The following KIF3C variants were observed in gnomAD, a reference collection of about 807,000 sequenced individuals.
The protein encoded by KIF3C is kinesin family member 3C, also known as kinesin-like protein KIF3C.
Under a neutral mutation model 67.7 loss-of-function variants are expected in KIF3C, and 12 were observed. The observed-to-expected ratio is 0.18, with a 90% CI of 0.11 to 0.29. The LOEUF is 0.29. Ranked by LOEUF, KIF3C falls within the 10% of genes least tolerant of loss-of-function variation. KIF3C has a pLI of 1.00. For synonymous variants in KIF3C, 393 were observed against 426.2 expected, an observed-to-expected ratio of 0.92 and a Z score of 0.96; for missense variants, 789 against 1,059.6, an observed-to-expected ratio of 0.74 and a Z score of 3.55.
At chr2:25,962,932 CATATAAT>C (rs1182257616) in intron 1 of KIF3C, among the ~76,000 whole-genome samples, 700 of 36,396 alleles carry the variant, frequency 0.019, 25 homozygotes, top group South Asian at 0.028. Flanking sequence ...ATATATAATA[CATATAAT>C]ATATAATATA....
At chr2:25,930,846 C>T (rs1344652871) in intron 5 of KIF3C, among the ~76,000 whole-genome samples, 1 of 151,874 alleles carries the variant, frequency 6.6e-6, no homozygotes, top group South Asian at 2.1e-4. Context: ...GCCTAACACC[C>T]GGCTAATTTT....
chr2:25,981,925 C>T lies in KIF3C; in HGVS notation c.-8G>A. On this transcript the variant is annotated 5_prime_UTR_variant, in exon 1 of 8. Transcript: ENST00000264712. The surrounding 1 kb of genome is among the most constrained non-coding windows in gnomAD (Gnocchi z 8.2). Reference sequence around the variant, plus strand: ...CTTGGTCTTACTGGCCATCTTGCTGCTCTGACCTTCCTGCCCCCGAGCCCC... The same window carrying T: ...CTTGGTCTTACTGGCCATCTTGCTGTTCTGACCTTCCTGCCCCCGAGCCCC... The T allele has an allele frequency of 1.3e-6, 2 of 1,528,570 alleles. No individual in the cohort carries two copies. Among genetic ancestry groups the T allele is most frequent in the Non-Finnish European group, 1.8e-6 (2 of 1,142,202 alleles). The allele number at this position is 1,528,570 out of a possible 1,614,324, so 94.7% of individuals were successfully genotyped here.
chr2:25,954,350 G>A lies in KIF3C; in HGVS notation c.1806C>T (p.Ile602=), dbSNP rs927074733. 4 of 1,613,906 alleles carry A rather than the reference G, an allele frequency of 2.5e-6. No individual in the cohort carries two copies. The highest frequency in any genetic ancestry group is 3.4e-6 in the Non-Finnish European group (4 of 1,180,012). ...GGATATACTCATCATGCTGGTCCTG[G>A]ATCTCCGCCTTCACCGCCTGCAGCT... ...YAKLQAVKAE[I]QDQHDEYIRV... Residue 602 remains isoleucine (I), a synonymous_variant, in exon 4 of 8, where the codon ATC becomes ATT. Transcript: ENST00000264712.
intron 1 of KIF3C, among the ~76,000 whole-genome samples, chr2:25,962,802 A>T (rs181213239): frequency 0.014 from 1,217 of 89,594 alleles, 120 homozygotes; most frequent in African/African-American, 0.054. Flanking sequence ...TATATTATAT[A>T]ATATATAATA....
rs189575090 is a variant in KIF3C, at chr2:25,937,925, T to C, written c.2007-7862A>G. Among the ~76,000 whole-genome samples, 26 of 151,062 alleles carry C rather than the reference T, an allele frequency of 1.7e-4. 1 individual carries two copies. The Admixed American group carries it at 1.7e-3, about 10-fold the overall frequency. ...TAAAAATTAGCTGGGTGTGGTAGCATGCACCTGTAGTCCCAGCTATTCAGG... is the reference window on the plus strand; with the variant it reads ...TAAAAATTAGCTGGGTGTGGTAGCACGCACCTGTAGTCCCAGCTATTCAGG... On this transcript the variant is annotated intron_variant, in intron 5 of 7. Coordinates refer to ENST00000264712, the MANE Select transcript of KIF3C (RefSeq NM_002254.8).
chr2:25,964,515 G>A (rs1191041342), intron 1 of KIF3C, among the ~76,000 whole-genome samples: 1 of 152,108 alleles, frequency 6.6e-6, no homozygotes, highest in Non-Finnish European at 1.5e-5. Flanking sequence ...TGCCCAGGCT[G>A]GAATGTAGTG....
Position 25,980,570 on chromosome 2 carries a change from C to T in KIF3C, c.1348G>A (p.Glu450Lys). The change falls in exon 1 of 8, where the codon GAG becomes AAG. Residue 450 changes from glutamate (E) to lysine (K), a missense_variant. Around this residue, in one of 2 missense-constraint regions of KIF3C, gnomAD observed 648 missense variants for 807.8 expected, o/e 0.80. Coordinates refer to ENST00000264712, the MANE Select transcript of KIF3C (RefSeq NM_002254.8). This position sits in a 1 kb window ranked among gnomAD's most constrained non-coding sequence, Gnocchi z 7.6. ...NNHRPPQPIL[E>K]SALEKNMENY... ...TCCATGTTCTTCTCCAAGGCTGACT[C>T]CAGGATGGGCTGGGGCGGGCGGTGG... is the stretch of plus-strand genomic sequence containing the variant. 6.2e-7 allele frequency: 1 copy of T among 1,614,146 alleles called. No individual in the cohort carries two copies. The highest frequency in any genetic ancestry group is 1.6e-4 in the Middle Eastern group (1 of 6,062).
At chr2:25,943,794 G>A (rs1386809312) in intron 5 of KIF3C, among the ~76,000 whole-genome samples, 2 of 151,996 alleles carry the variant, frequency 1.3e-5, no homozygotes, top group African/African-American at 4.8e-5. Flanking sequence ...GAACCTGGGA[G>A]GCAGAGGTAG....
intron 5 of KIF3C, among the ~76,000 whole-genome samples, chr2:25,950,222 CTT>C (rs577841893): frequency 7.1e-6 from 1 of 141,464 alleles, no homozygotes. Flanking sequence ...CTTTTCTTTT[CTT>C]TTTTTTTTTT....
chr2:25,932,003 GT>G (rs775155142), intron 5 of KIF3C, among the ~76,000 whole-genome samples: 183 of 96,162 alleles, frequency 1.9e-3, no homozygotes, highest in South Asian at 6.4e-3. Context: ...CTTCTGTTTT[GT>G]TTTTTTTTTT....
intron 1 of KIF3C, among the ~76,000 whole-genome samples, chr2:25,976,275 CAG>C (rs1425218284): frequency 6.6e-6 from 1 of 152,296 alleles, no homozygotes; most frequent in East Asian, 1.9e-4. Context: ...ACATTCACCA[CAG>C]AGAGAGTGGG....
intron 5 of KIF3C, among the ~76,000 whole-genome samples, chr2:25,950,196 A>G (rs35018248): frequency 0.2 from 29,391 of 150,710 alleles, 3,355 homozygotes; most frequent in African/African-American, 0.32. Flanking sequence ...CACCATGCCC[A>G]GCAGAAAGAC....
chr2:25,972,218 G>A (rs1193569343), intron 1 of KIF3C, among the ~76,000 whole-genome samples: 1 of 151,988 alleles, frequency 6.6e-6, no homozygotes, highest in African/African-American at 2.4e-5. Flanking sequence ...TGTGCTCTGC[G>A]GAGGCTGGAA....
chr2:25,944,505 T>C (rs1362305670), intron 5 of KIF3C, among the ~76,000 whole-genome samples: 1 of 152,002 alleles, frequency 6.6e-6, no homozygotes, highest in East Asian at 1.9e-4. Context: ...CATGTGCTAA[T>C]GCCTGGCTAA....
At position 25,929,330 on chromosome 2, in the gene KIF3C, A is replaced by C; in HGVS notation, c.2263T>G (p.Ser755Ala). ...LDSFLERPST[S>A]KVRKSRSWCQ... ...CAGGATCTGGACTTTCGGACTTTAGACGTGGAAGGTCTTTCCAGAAAGCTG... is the reference window on the plus strand; with the variant it reads ...CAGGATCTGGACTTTCGGACTTTAGCCGTGGAAGGTCTTTCCAGAAAGCTG... Residue 755 changes from serine (S) to alanine (A), a missense_variant, in exon 7 of 8, where the codon TCT (serine) becomes GCT (alanine). Around this residue, in one of 2 missense-constraint regions of KIF3C, gnomAD observed 648 missense variants for 807.8 expected, o/e 0.80. Coordinates refer to ENST00000264712, the MANE Select transcript of KIF3C (RefSeq NM_002254.8). The C allele has an allele frequency of 6.2e-7, 1 of 1,614,130 alleles. No homozygotes were observed. Among genetic ancestry groups the C allele is most frequent in the East Asian group, 2.2e-5 (1 of 44,874 alleles).
intron 5 of KIF3C, among the ~76,000 whole-genome samples, chr2:25,933,328 C>T (rs1345797327): frequency 6.6e-6 from 1 of 151,514 alleles, no homozygotes; most frequent in Non-Finnish European, 1.5e-5. Flanking sequence ...TTGATAAGCA[C>T]ATGAAAAGAT....
intron 5 of KIF3C, among the ~76,000 whole-genome samples, chr2:25,950,039 T>C (rs960916751): frequency 4.0e-5 from 6 of 151,004 alleles, no homozygotes; most frequent in Admixed American, 2.6e-4. Context: ...TGCAGGTGCA[T>C]GCCACCACAC....
Position 25,943,040 on chromosome 2 carries a change from G to A in KIF3C, c.2006+8749C>T, listed in dbSNP as rs1012767729. Among the ~76,000 whole-genome samples, 6 of 152,140 alleles carry A rather than the reference G, an allele frequency of 3.9e-5. No individual in the cohort carries two copies. In the East Asian group the frequency reaches 9.6e-4, roughly 24 times the overall value. On this transcript the variant is annotated intron_variant, in intron 5 of 7. Transcript: ENST00000264712. ...AAACAATGTTTTTTCCTCTCACTTCGAGCAGCTCTTAGTGTTCTCATCCCC... is the reference window on the plus strand; with the variant it reads ...AAACAATGTTTTTTCCTCTCACTTCAAGCAGCTCTTAGTGTTCTCATCCCC...
chr2:25,956,310 T>C (rs1367713149), intron 2 of KIF3C, 33 bp downstream of exon 2: 1 of 1,520,590 alleles, frequency 6.6e-7, no homozygotes, highest in African/African-American at 1.4e-5. Context: ...CAGGCCACAC[T>C]CTCCAAGGGG....
Sources: gnomAD v4.1 joint callset for allele counts (sites outside exome capture counted in the v4.1 genomes callset) on GRCh38, gnomAD v4.1.1 for gene constraint, gnomAD v4.1.1 regional missense constraint, Gnocchi (gnomAD v3.1) non-coding constraint, MANE v1.5 for transcripts, NCBI Gene and HGNC (gene_info 2026-07-23, HGNC 2026-07-21) for gene names.